ARHGAP21: variants seen among roughly 807,000 people sequenced by gnomAD.
ARHGAP21 encodes the protein Rho GTPase activating protein 21.
In ARHGAP21, 38 loss-of-function variants were observed where a neutral mutation model predicts 164.6. That is an observed-to-expected ratio of 0.23 (90% CI 0.18 to 0.30). The LOEUF is 0.30. ARHGAP21 is among the 10% of genes least tolerant of loss of function. The pLI is 1.00. For synonymous variants in ARHGAP21, 766 were observed against 857.9 expected (o/e 0.89, Z 1.87); for missense variants, 1,822 against 2,370.7 (o/e 0.77, Z 4.81).
chr10:24,631,660 T>G (rs1593100718), intron 6 of ARHGAP21, among the ~76,000 whole-genome samples: 2 of 152,328 alleles, frequency 1.3e-5, no homozygotes, highest in South Asian at 4.1e-4. Context: ...CATTTCAATA[T>G]TTAGAGTTGG....
Position 24,585,241 on chromosome 10 carries a change from G to A in ARHGAP21, c.5048C>T (p.Ser1683Leu). ...ELSCTEGSLTSSLDSRRQLFS... is the reference protein window; with the variant it reads ...ELSCTEGSLTLSLDSRRQLFS... ...GAGCTGTCTCCGGCTATCTAAACTT[G>A]ATGTTAAACTTCCCTCGGTGCAACT... The change falls in exon 26 of 26, where the codon TCA (serine) becomes TTA (leucine). Residue 1683 changes from serine to leucine, a missense_variant. Physicochemically the swap from Ser to Leu is moderately radical, Grantham distance 145. This residue lies in a region of ARHGAP21 where 117 missense variants were observed against 193.2 expected (regional missense o/e 0.61). Coordinates refer to ENST00000396432, the MANE Select transcript of ARHGAP21 (RefSeq NM_020824.4). 1 of 1,605,496 alleles carries A rather than the reference G, an allele frequency of 6.2e-7. No individual in the cohort carries two copies. Among genetic ancestry groups the A allele is most frequent in the Non-Finnish European group, 8.5e-7 (1 of 1,177,890 alleles).
At chr10:24,669,839 A>G (rs898584146) in intron 3 of ARHGAP21, among the ~76,000 whole-genome samples, 4 of 152,176 alleles carry the variant, frequency 2.6e-5, no homozygotes, top group Non-Finnish European at 5.9e-5. Context: ...TAATTCTACT[A>G]ATTTTCTATA....
chr10:24,632,480 GA>G (rs1454654581), intron 6 of ARHGAP21, among the ~76,000 whole-genome samples: 1 of 152,144 alleles, frequency 6.6e-6, no homozygotes, highest in African/African-American at 2.4e-5. Flanking sequence ...AAACATTAAA[GA>G]AAACACTCTG....
intron 2 of ARHGAP21, among the ~76,000 whole-genome samples, chr10:24,690,728 TG>T (rs1378517598): frequency 6.6e-6 from 1 of 151,818 alleles, no homozygotes; most frequent in African/African-American, 2.4e-5. Flanking sequence ...CTCAGGACGC[TG>T]AGGCAAAAGA....
In ARHGAP21 at chr10:24,620,355, G is replaced by C. The variant is rs749657239; in HGVS notation, c.1540C>G (p.Pro514Ala). Reference sequence around the variant, plus strand: ...TTCTCTCCATTGGAATCAGGTATTGGAGTTCCAGAATTGACATTTTCTAAG... The same window carrying C: ...TTCTCTCCATTGGAATCAGGTATTGCAGTTCCAGAATTGACATTTTCTAAG... ...ETLENVNSGT[P>A]IPDSNGEKKQ... The change falls in exon 9 of 26, where the codon CCA becomes GCA. Residue 514 changes from proline (P) to alanine (A), a missense_variant. Pro to Ala is a conservative substitution (Grantham distance 27). This residue lies in a region of ARHGAP21 where 1,090 missense variants were observed against 1,378.9 expected (regional missense o/e 0.79). Coordinates refer to ENST00000396432, the MANE Select transcript of ARHGAP21 (RefSeq NM_020824.4). 1 of 1,613,690 alleles carries C rather than the reference G, an allele frequency of 6.2e-7. No homozygotes were observed. The highest frequency in any genetic ancestry group is 8.5e-7 in the Non-Finnish European group (1 of 1,179,860).
Position 24,585,356 on chromosome 10 carries a change from G to C in ARHGAP21, c.4933C>G (p.Pro1645Ala). The C allele has an allele frequency of 6.2e-7, 1 of 1,613,626 alleles. No individual in the cohort carries two copies. The highest frequency in any genetic ancestry group is 1.1e-5 in the South Asian group (1 of 91,070). Residue 1645 changes from proline to alanine, a missense_variant, in exon 26 of 26, where the codon CCC (proline) becomes GCC (alanine). Transcript: ENST00000396432. ...AGCCTCTCTGAAGTCAAGGCTGTGGGGAACACGGGAAACTCGCTCTCGCTG... is the reference window on the plus strand; with the variant it reads ...AGCCTCTCTGAAGTCAAGGCTGTGGCGAACACGGGAAACTCGCTCTCGCTG... ...TDSESEFPVF[P>A]TALTSERLFR...
Position 24,591,867 on chromosome 10 carries a change from G to C in ARHGAP21, c.4002+20C>G. 6.3e-7 allele frequency: 1 copy of C among 1,599,914 alleles called. No homozygotes were observed. Among genetic ancestry groups the C allele is most frequent in the Non-Finnish European group, 8.5e-7 (1 of 1,174,614 alleles). On this transcript the variant is annotated intron_variant, in intron 22 of 25. Transcript: ENST00000396432. ...TGCAGAGATGAAGCATGAACTTACAGAGATGAAGCATGAACTTACGTGCTG... is the reference window on the plus strand; with the variant it reads ...TGCAGAGATGAAGCATGAACTTACACAGATGAAGCATGAACTTACGTGCTG...
intron 9 of ARHGAP21, among the ~76,000 whole-genome samples, chr10:24,611,431 C>T (rs2077257255): frequency 1.3e-5 from 2 of 152,154 alleles, no homozygotes; most frequent in South Asian, 4.1e-4. Flanking sequence ...AGGCCAGGCG[C>T]GGTGGCTCAT....
intron 7 of ARHGAP21, chr10:24,628,982 ATTTTTTTTTTT>A (rs1166249007): frequency 8.6e-5 from 1 of 11,632 alleles, no homozygotes; most frequent in African/African-American, 7.0e-4. Context: ...ATATATATAT[ATTTTTTTTTTT>A]TTTTTTTTTT....
intron 7 of ARHGAP21, among the ~76,000 whole-genome samples, chr10:24,625,336 A>ATAAGGTGG (rs1835036214): frequency 6.6e-6 from 1 of 151,408 alleles, no homozygotes; most frequent in South Asian, 2.1e-4. Flanking sequence ...TGAAGAATAA[A>ATAAGGTGG]TAAGGTGGTA....
intron 14 of ARHGAP21, among the ~76,000 whole-genome samples, chr10:24,598,508 G>A (rs1309016230): frequency 6.6e-6 from 1 of 152,062 alleles, no homozygotes; most frequent in Admixed American, 6.5e-5. Flanking sequence ...ATCACAAGCG[G>A]CAGTTACATT....
At position 24,619,756 on chromosome 10, in the gene ARHGAP21, A is replaced by T. The variant is rs1462661106; in HGVS notation, c.2139T>A (p.Asn713Lys). 1.9e-6 allele frequency: 3 copies of T among 1,613,888 alleles called. No individual in the cohort carries two copies. Among genetic ancestry groups the T allele is most frequent in the African/African-American group, 2.7e-5 (2 of 74,846 alleles). Reference sequence around the variant, plus strand: ...CAGCCTCTTGTAAACTTAAATCTTGATTCCTTTGACTGACAGGTAGTTCTA... The same window carrying T: ...CAGCCTCTTGTAAACTTAAATCTTGTTTCCTTTGACTGACAGGTAGTTCTA... ...SDLELPVSQRNQDLSLQEAET... is the reference protein window; with the variant it reads ...SDLELPVSQRKQDLSLQEAET... The change falls in exon 9 of 26, where the codon AAT (asparagine) becomes AAA (lysine). Residue 713 changes from asparagine (N) to lysine (K), a missense_variant. This residue lies in a region of ARHGAP21 where 1,090 missense variants were observed against 1,378.9 expected (regional missense o/e 0.79). Transcript: ENST00000396432.
intron 7 of ARHGAP21, among the ~76,000 whole-genome samples, chr10:24,624,189 G>A (rs1161803110): frequency 1.3e-5 from 2 of 151,920 alleles, no homozygotes; most frequent in Non-Finnish European, 2.9e-5. Context: ...ATATGGTTGA[G>A]ATAAAATATG....
Position 24,620,657 on chromosome 10 carries a change from T to C in ARHGAP21, c.1238A>G (p.Asp413Gly), listed in dbSNP as rs146751632. 9 of 1,614,102 alleles carry C rather than the reference T, an allele frequency of 5.6e-6. No individual in the cohort carries two copies. In the African/African-American group the frequency reaches 6.7e-5, roughly 12 times the overall value. The change falls in exon 9 of 26, where the codon GAT becomes GGT. Residue 413 changes from aspartate (D) to glycine (G), a missense_variant. By Grantham distance (94) the Asp-to-Gly change is moderately conservative (BLOSUM62 -1). Coordinates refer to ENST00000396432, the MANE Select transcript of ARHGAP21 (RefSeq NM_020824.4). Reference sequence around the variant, plus strand: ...GCTTTGAGATGCTGCTCTTAAACTATCTAATCTTTCTTGTATTGTCCGACA... The same window carrying C: ...GCTTTGAGATGCTGCTCTTAAACTACCTAATCTTTCTTGTATTGTCCGACA... Reference protein sequence around the residue: ...IGCRTIQERLDSLRAASQSTT... With the variant: ...IGCRTIQERLGSLRAASQSTT...
In ARHGAP21 at chr10:24,670,273, G is replaced by A. The variant is rs752526877; in HGVS notation, c.188C>T (p.Thr63Ile). 5.6e-6 allele frequency: 9 copies of A among 1,604,926 alleles called. No individual in the cohort carries two copies. The highest frequency in any genetic ancestry group is 1.7e-5 in the Admixed American group (1 of 59,616). Residue 63 changes from threonine to isoleucine, a missense_variant, in exon 3 of 26, where the codon ACA (threonine) becomes ATA (isoleucine). Thr to Ile is a moderately conservative substitution (Grantham distance 89, BLOSUM62 -1). Coordinates refer to ENST00000396432, the MANE Select transcript of ARHGAP21 (RefSeq NM_020824.4). The part of the protein sequence containing the change: ...LKRTSQGFGF[T>I]LRHFIVYPPE... ...GGGATAAACAATAAAATGTCTTAATGTAAAACCAAAGCCTTGAGATGTTCT... is the reference window on the plus strand; with the variant it reads ...GGGATAAACAATAAAATGTCTTAATATAAAACCAAAGCCTTGAGATGTTCT...
intron 4 of ARHGAP21, among the ~76,000 whole-genome samples, chr10:24,644,629 CA>C (rs1318262377): frequency 3.3e-5 from 5 of 152,268 alleles, no homozygotes; most frequent in African/African-American, 1.2e-4. Flanking sequence ...TTCTCTAAGA[CA>C]AAGGACAAAT....
chr10:24,648,642 T>TGG (rs1012646673), intron 4 of ARHGAP21, among the ~76,000 whole-genome samples: 12 of 152,114 alleles, frequency 7.9e-5, no homozygotes, highest in African/African-American at 2.9e-4. Context: ...TAGCCAGGCG[T>TGG]GGTGGTAGGT....
At chr10:24,660,413 T>C (rs933475089) in intron 4 of ARHGAP21, among the ~76,000 whole-genome samples, 6 of 45,608 alleles carry the variant, frequency 1.3e-4, no homozygotes, top group African/African-American at 5.0e-4. Context: ...AAAAAAAAGA[T>C]GCTGAAGGGT....
At chr10:24,707,362 A>G (rs1593358075) in intron 2 of ARHGAP21, among the ~76,000 whole-genome samples, 1 of 152,238 alleles carries the variant, frequency 6.6e-6, no homozygotes, top group Non-Finnish European at 1.5e-5. Context: ...ATAAATGATT[A>G]ATAGTTTCAA....
Sources: gnomAD v4.1 joint callset for allele counts (sites outside exome capture counted in the v4.1 genomes callset) on GRCh38, gnomAD v4.1.1 for gene constraint, gnomAD v4.1.1 regional missense constraint, MANE v1.5 for transcripts, NCBI Gene and HGNC (gene_info 2026-07-23, HGNC 2026-07-21) for gene names.